RXRA: variants seen among roughly 807,000 people sequenced by gnomAD.
The protein encoded by RXRA is retinoic acid receptor RXR-alpha.
A neutral mutation model predicts 44.5 loss-of-function variants in RXRA; 5 were observed. The observed-to-expected ratio is 0.11, with a 90% CI of 0.06 to 0.24. The LOEUF is 0.24. RXRA is among the 10% of genes least tolerant of loss of function. The pLI is 1.00. For synonymous variants in RXRA, 291 were observed against 271.4 expected (o/e 1.07, Z -0.71); for missense variants, 412 against 646.5 (o/e 0.64, Z 3.93).
intron 1 of RXRA, among the ~76,000 whole-genome samples, chr9:134,357,809 C>T (rs1029314095): frequency 2.0e-5 from 3 of 152,204 alleles, no homozygotes; most frequent in African/African-American, 7.2e-5. Flanking sequence ...GTGTAAATCA[C>T]GGTTTCTTCA....
chr9:134,425,455 C>T lies in RXRA; in HGVS notation c.910+3650C>T, dbSNP rs796524561. ...TCCTTCCCACCTGCCCCCTTCATCC[C>T]AGGCTGTTGCTTTCCAAGGCCGTGT... On this transcript the variant is annotated intron_variant, in intron 6 of 9. Transcript: ENST00000481739. 1.2e-4 allele frequency: 121 copies of T among 984,546 alleles called. No individual in the cohort carries two copies. The African/African-American group carries it at 2.0e-3, about 16-fold the overall frequency. The allele number at this position is 984,546 out of a possible 1,614,324, so 61.0% of individuals were successfully genotyped here.
intron 1 of RXRA, among the ~76,000 whole-genome samples, chr9:134,335,877 C>T (rs1829994274): frequency 6.6e-6 from 1 of 152,190 alleles, no homozygotes; most frequent in South Asian, 2.1e-4. Flanking sequence ...CCCTGTGGTC[C>T]TGCCTTGGTC....
At position 134,417,011 on chromosome 9, in the gene RXRA, A is replaced by G. The variant is rs1206508380; in HGVS notation, c.611-147A>G. The stretch of plus-strand genomic sequence containing the variant: ...CACGGAGGCCAGGCCTGGGGCAGAG[A>G]TGGGGTCTCCATCACCCAGTGCTGG... On this transcript the variant is annotated intron_variant, in intron 4 of 9. Transcript: ENST00000481739. The surrounding 1 kb of genome is among the most constrained non-coding windows in gnomAD (Gnocchi z 6.1). 2 of 775,960 alleles carry G rather than the reference A, an allele frequency of 2.6e-6. No individual in the cohort carries two copies. The highest frequency in any genetic ancestry group is 4.1e-6 in the Non-Finnish European group (2 of 489,618). 48.1% of individuals were successfully genotyped at this position (775,960 alleles called of 1,614,324 possible).
chr9:134,336,637 G>C (rs1163017381), intron 1 of RXRA, among the ~76,000 whole-genome samples: 15 of 152,204 alleles, frequency 9.9e-5, no homozygotes, highest in African/African-American at 3.6e-4. Context: ...TTTCAAGACA[G>C]GGCTGGCTCC....
chr9:134,435,913 TG>T (rs1159902517), intron 9 of RXRA, among the ~76,000 whole-genome samples: 2 of 152,262 alleles, frequency 1.3e-5, no homozygotes, highest in East Asian at 3.8e-4. Context: ...TCGCCCAGGC[TG>T]GAGTGCAGTG....
chr9:134,404,166 G>A (rs1588290556), intron 2 of RXRA: 1 of 152,250 alleles, frequency 6.6e-6, no homozygotes, highest in East Asian at 1.9e-4. Context: ...TGGAGCCAGA[G>A]AGATTCTCTG....
chr9:134,364,238 C>G (rs1203073335), intron 1 of RXRA, among the ~76,000 whole-genome samples: 1 of 152,244 alleles, frequency 6.6e-6, no homozygotes, highest in Non-Finnish European at 1.5e-5. Context: ...GGATGAGGTG[C>G]AAAAGCCGTG....
chr9:134,400,411 G>T (rs75887832), intron 1 of RXRA, among the ~76,000 whole-genome samples: 1 of 152,346 alleles, frequency 6.6e-6, no homozygotes, highest in African/African-American at 2.4e-5. Flanking sequence ...AGAAGTGCCT[G>T]TGATTGCCAC....
intron 1 of RXRA, among the ~76,000 whole-genome samples, chr9:134,384,284 C>T (rs528658414): frequency 3.3e-5 from 5 of 152,338 alleles, no homozygotes; most frequent in East Asian, 1.9e-4. Flanking sequence ...GGACCCTCCT[C>T]GCTGTCACCC....
chr9:134,421,653 C>T (rs780957106), intron 5 of RXRA, 23 bp from the exon 6 acceptor site: 31 of 1,551,904 alleles, frequency 2.0e-5, no homozygotes, highest in Admixed American at 5.4e-5. Context: ...ACTGAATGTC[C>T]TGCTCTTCTT....
rs1588252652 is a variant in RXRA, at chr9:134,342,550, G to C, written c.28+15891G>C. Among the ~76,000 whole-genome samples, 1 of 152,344 alleles carries C rather than the reference G, an allele frequency of 6.6e-6. No individual in the cohort carries two copies. Among genetic ancestry groups the C allele is most frequent in the East Asian group, 1.9e-4 (1 of 5,178 alleles). ...CTTCCTGCCATCAGCGGGGGGCAGT[G>C]GGTTGGTGCAGGCAGAGTGGTAACA... On this transcript the variant is annotated intron_variant, in intron 1 of 9. Coordinates refer to ENST00000481739, the MANE Select transcript of RXRA (RefSeq NM_002957.6). The surrounding 1 kb of genome is among the most constrained non-coding windows in gnomAD (Gnocchi z 4.4).
At chr9:134,344,710 C>T (rs1331475706) in intron 1 of RXRA, among the ~76,000 whole-genome samples, 1 of 152,214 alleles carries the variant, frequency 6.6e-6, no homozygotes, top group Non-Finnish European at 1.5e-5. Context: ...GACGCCCCTT[C>T]ATCCTCAGGA....
rs34857233 is a variant in RXRA, at chr9:134,426,536, C to T, written c.911-2572C>T. On this transcript the variant is annotated intron_variant, in intron 6 of 9. Transcript: ENST00000481739. The surrounding 1 kb of genome is among the most constrained non-coding windows in gnomAD (Gnocchi z 4.6). ...GAGAGAGACTCCGCACTGTTCTGTCCGTGTGTCTGGGCTCCTGACCTGTAT... is the reference window on the plus strand; with the variant it reads ...GAGAGAGACTCCGCACTGTTCTGTCTGTGTGTCTGGGCTCCTGACCTGTAT... The T allele has an allele frequency of 0.068, 66,570 of 985,392 alleles. 2,319 individuals carry two copies. The highest frequency in any genetic ancestry group is 0.07 in the Non-Finnish European group (58,291 of 829,912). The allele number at this position is 985,392 out of a possible 1,614,324, so 61.0% of individuals were successfully genotyped here. A position where few individuals can be genotyped will look rare whatever the true frequency, so the allele number is the denominator to read the frequency against.
chr9:134,429,015 A>T, intron 6 of RXRA, 93 bp from the exon 7 acceptor site: 5 of 1,507,878 alleles, frequency 3.3e-6, no homozygotes, highest in Non-Finnish European at 4.5e-6. Context: ...GGTCGGTGAC[A>T]TGCTGCCTCT....
At chr9:134,413,932 C>T (rs73556284) in intron 4 of RXRA, among the ~76,000 whole-genome samples, 2,518 of 152,248 alleles carry the variant, frequency 0.017, 60 homozygotes, top group African/African-American at 0.053. Context: ...CAGCCTCCCC[C>T]GTGCCTCCAC....
chr9:134,411,019 G>A (rs1379550856), intron 4 of RXRA, among the ~76,000 whole-genome samples: 5 of 152,224 alleles, frequency 3.3e-5, no homozygotes, highest in Admixed American at 6.5e-5. Flanking sequence ...TCGGGCACCC[G>A]GTGAGACGCA....
At chr9:134,350,366 T>C (rs1830206746) in intron 1 of RXRA, among the ~76,000 whole-genome samples, 1 of 152,150 alleles carries the variant, frequency 6.6e-6, no homozygotes, top group Non-Finnish European at 1.5e-5. Context: ...CTCAGTTTCC[T>C]TTTCTGTAAG....
chr9:134,331,618 G>A (rs1171757338), intron 1 of RXRA, among the ~76,000 whole-genome samples: 6 of 152,230 alleles, frequency 3.9e-5, no homozygotes, highest in Non-Finnish European at 8.8e-5. Flanking sequence ...CTACCCCCAC[G>A]AAGGTGCCGA....
At chr9:134,398,657 G>T (rs1222355223) in intron 1 of RXRA, among the ~76,000 whole-genome samples, 1 of 152,200 alleles carries the variant, frequency 6.6e-6, no homozygotes, top group Non-Finnish European at 1.5e-5. Context: ...CCAACTCAGT[G>T]TCCCCCTGAC....
Sources: gnomAD v4.1 joint callset for allele counts (sites outside exome capture counted in the v4.1 genomes callset) on GRCh38, gnomAD v4.1.1 for gene constraint, Gnocchi (gnomAD v3.1) non-coding constraint, MANE v1.5 for transcripts, NCBI Gene and HGNC (gene_info 2026-07-23, HGNC 2026-07-21) for gene names.